GRID2: variants seen among roughly 807,000 people sequenced by gnomAD.
GRID2 encodes the protein glutamate ionotropic receptor delta type subunit 2.
A neutral mutation model predicts 114.8 loss-of-function variants in GRID2; 33 were observed. The ratio of observed to expected loss-of-function variants is 0.29; its 90% confidence interval spans 0.22 to 0.38. The LOEUF is 0.38. Ranked by LOEUF, GRID2 falls within the 10% of genes least tolerant of loss-of-function variation. GRID2 has a pLI of 1.00. For synonymous variants in GRID2, 505 were observed against 449.9 expected, an observed-to-expected ratio of 1.12 and a Z score of -1.55; for missense variants, 1,184 against 1,257.7, an observed-to-expected ratio of 0.94 and a Z score of 0.89.
intron 1 of GRID2, among the ~76,000 whole-genome samples, chr4:92,534,371 C>G (rs968178053): frequency 6.6e-6 from 1 of 152,056 alleles, no homozygotes; most frequent in Non-Finnish European, 1.5e-5. Context: ...GAGTGTAGAC[C>G]AGCCCAATTT....
At chr4:92,668,994 T>G (rs1348754370) in intron 2 of GRID2, among the ~76,000 whole-genome samples, 1 of 151,856 alleles carries the variant, frequency 6.6e-6, no homozygotes, top group Non-Finnish European at 1.5e-5. Flanking sequence ...ATTAAGAGAT[T>G]AAAAATTTCT....
In GRID2 at chr4:93,726,962, G is replaced by C. The variant is rs184939833; in HGVS notation, c.2361-42248G>C. ...ACAATTTGACTTCCTCTTTTCCTAAGTGAATACCCCTTATTTCCTTCTCCT... is the reference window on the plus strand; with the variant it reads ...ACAATTTGACTTCCTCTTTTCCTAACTGAATACCCCTTATTTCCTTCTCCT... On this transcript the variant is annotated intron_variant, in intron 14 of 15. Coordinates refer to ENST00000282020, the MANE Select transcript of GRID2 (RefSeq NM_001510.4). Among the ~76,000 whole-genome samples the C allele has an allele frequency of 1.3e-3, 199 of 152,212 alleles. 1 individual carries two copies. The highest frequency in any genetic ancestry group is 3.4e-3 in the Middle Eastern group (1 of 292).
intron 2 of GRID2, among the ~76,000 whole-genome samples, chr4:92,654,893 T>C (rs1263892292): frequency 6.6e-6 from 1 of 152,056 alleles, no homozygotes; most frequent in Non-Finnish European, 1.5e-5. Context: ...TTGAAGAAGC[T>C]TTTTAGTTGA....
At chr4:92,838,820 A>G (rs778723244) in intron 2 of GRID2, 1 of 151,932 alleles carries the variant, frequency 6.6e-6, no homozygotes, top group African/African-American at 2.4e-5. Flanking sequence ...AGGGAACTTT[A>G]GCCCCAATTT....
At chr4:92,621,458 G>A (rs780039061) in intron 2 of GRID2, among the ~76,000 whole-genome samples, 1 of 151,738 alleles carries the variant, frequency 6.6e-6, no homozygotes, top group African/African-American at 2.4e-5. Flanking sequence ...TGATTATTTT[G>A]GTGTGGTTAT....
chr4:93,386,319 TATAATC>T (rs1251228218), intron 8 of GRID2, among the ~76,000 whole-genome samples: 1 of 152,172 alleles, frequency 6.6e-6, no homozygotes, highest in Admixed American at 6.6e-5. Flanking sequence ...TTAGCATAAT[TATAATC>T]ATATCAGGAT....
intron 2 of GRID2, among the ~76,000 whole-genome samples, chr4:93,004,532 G>A (rs1721309709): frequency 6.6e-6 from 1 of 151,992 alleles, no homozygotes; most frequent in African/African-American, 2.4e-5. Context: ...ACACACTTAT[G>A]AATCCCGAGT....
At chr4:92,558,095 G>A (rs545426402) in intron 1 of GRID2, among the ~76,000 whole-genome samples, 3 of 152,234 alleles carry the variant, frequency 2.0e-5, no homozygotes, top group African/African-American at 7.2e-5. Context: ...TCAAATGCTT[G>A]CAATTGGGTA....
At chr4:93,802,409 A>T (rs1734950540) in intron 1 of GRID2, among the ~76,000 whole-genome samples, 1 of 151,442 alleles carries the variant, frequency 6.6e-6, no homozygotes, top group Non-Finnish European at 1.5e-5. Context: ...TGTGTGTGTG[A>T]CAGAGAGAGA....
At chr4:92,820,961 CTAAT>C (rs1345237789) in intron 2 of GRID2, among the ~76,000 whole-genome samples, 1 of 151,962 alleles carries the variant, frequency 6.6e-6, no homozygotes, top group East Asian at 1.9e-4. Flanking sequence ...ATCATCTTCT[CTAAT>C]ATATATACTT....
At chr4:93,211,333 A>G (rs955941911) in intron 5 of GRID2, among the ~76,000 whole-genome samples, 4 of 152,236 alleles carry the variant, frequency 2.6e-5, no homozygotes, top group African/African-American at 7.2e-5. Flanking sequence ...AAAAAATAAT[A>G]AAAATTTATG....
Position 92,688,037 on chromosome 4 carries a change from CTTTTTTTTTTTTTTTTTTT to C in GRID2, c.244+97762_244+97780del, listed in dbSNP as rs760605020. Among the ~76,000 whole-genome samples, 3 of 44,670 alleles carry C rather than the reference CTTTTTTTTTTTTTTTTTTT, an allele frequency of 6.7e-5. No individual in the cohort carries two copies. In the East Asian group the frequency reaches 1.6e-3, roughly 24 times the overall value. The allele number at this position is 44,670 out of a possible 152,430, so 29.3% of individuals were successfully genotyped here. On this transcript the variant is annotated intron_variant, in intron 2 of 15. Coordinates refer to ENST00000282020, the MANE Select transcript of GRID2 (RefSeq NM_001510.4). ...GCCACATTGGTTGACCCTTCTTCTT[CTTTTTTTTTTTTTTTTTTT>C]TTTTTTTTTTGGGATGGAGTTTCGC... is the stretch of plus-strand genomic sequence containing the variant.
intron 1 of GRID2, among the ~76,000 whole-genome samples, chr4:92,350,979 C>A (rs1728038885): frequency 6.6e-6 from 1 of 151,774 alleles, no homozygotes; most frequent in Non-Finnish European, 1.5e-5. Flanking sequence ...TTTCAAAGTT[C>A]ATCCGTTATG....
intron 2 of GRID2, among the ~76,000 whole-genome samples, chr4:92,628,279 T>C (rs980857100): frequency 6.6e-6 from 1 of 152,116 alleles, no homozygotes; most frequent in African/African-American, 2.4e-5. Context: ...TCTCCTCTTA[T>C]GTGGCATGGG....
At chr4:93,146,549 T>C (rs1159689120) in intron 4 of GRID2, among the ~76,000 whole-genome samples, 4 of 151,952 alleles carry the variant, frequency 2.6e-5, no homozygotes, top group African/African-American at 9.7e-5. Flanking sequence ...ATAATGCATC[T>C]GAAGAGTCTT....
rs190812089 is a variant in GRID2, at chr4:92,603,234, A to G, written c.244+12948A>G. Among the ~76,000 whole-genome samples the G allele has an allele frequency of 4.3e-4, 66 of 152,284 alleles. No individual in the cohort carries two copies. In the East Asian group the frequency reaches 0.012, roughly 27 times the overall value. ...CATATGGAACCAAAAAAGAGCCTGA[A>G]CAGCCAATTCAATCCTAAGCAAAAA... On this transcript the variant is annotated intron_variant, in intron 2 of 15. Coordinates refer to ENST00000282020, the MANE Select transcript of GRID2 (RefSeq NM_001510.4).
chr4:92,611,643 C>T (rs750701554), intron 2 of GRID2, among the ~76,000 whole-genome samples: 1 of 151,550 alleles, frequency 6.6e-6, no homozygotes, highest in Admixed American at 6.6e-5. Context: ...TGTAACTGGA[C>T]AGCTGTGTAC....
chr4:93,189,431 G>T (rs954923876), intron 4 of GRID2, among the ~76,000 whole-genome samples: 1 of 151,912 alleles, frequency 6.6e-6, no homozygotes, highest in East Asian at 1.9e-4. Flanking sequence ...ACTCATGACG[G>T]TTATGCTCAC....
At chr4:92,875,804 C>G (rs1021074077) in intron 2 of GRID2, among the ~76,000 whole-genome samples, 1 of 152,098 alleles carries the variant, frequency 6.6e-6, no homozygotes, top group Non-Finnish European at 1.5e-5. Context: ...AATACCATAT[C>G]TACCTAGAAT....
Sources: gnomAD v4.1 joint callset for allele counts (sites outside exome capture counted in the v4.1 genomes callset) on GRCh38, gnomAD v4.1.1 for gene constraint, MANE v1.5 for transcripts, NCBI Gene and HGNC (gene_info 2026-07-23, HGNC 2026-07-21) for gene names.